The following GOLGA6L2 variants were observed in gnomAD, a reference collection of about 807,000 sequenced individuals.
GOLGA6L2 encodes golgin subfamily A member 6-like protein 2.
In GOLGA6L2, 30 loss-of-function variants were observed where a neutral mutation model predicts 35.9. The observed-to-expected ratio is 0.83, with a 90% CI of 0.62 to 1.13. The LOEUF is 1.13. Among genes scored for constraint, GOLGA6L2 ranks in the 50% most tolerant of loss-of-function variants. The probability of loss-of-function intolerance (pLI) is 0.00; values close to 1 mark genes in which losing one functional copy is unlikely to be tolerated. For synonymous variants in GOLGA6L2, 297 were observed against 344.0 expected (o/e 0.86, Z 1.51); for missense variants, 821 against 973.4 (o/e 0.84, Z 2.08).
chr15:23,441,231 T>G lies in GOLGA6L2; in HGVS notation c.1244A>C (p.Glu415Ala), dbSNP rs1348076053. 21 of 1,539,942 alleles carry G rather than the reference T, an allele frequency of 1.4e-5. No homozygotes were observed. The highest frequency in any genetic ancestry group is 7.3e-5 in the East Asian group (3 of 40,872). The change falls in exon 8 of 8, where the codon GAG becomes GCG. Residue 415 changes from glutamate to alanine, a missense_variant. This residue lies in a region of GOLGA6L2 where 614 missense variants were observed against 632.3 expected (regional missense o/e 0.97). Coordinates refer to ENST00000567107, the MANE Select transcript of GOLGA6L2 (RefSeq NM_001304388.2). ...RLREKEERMR[E>A]QEKMWEQVEK... The stretch of plus-strand genomic sequence containing the variant: ...CACCTGCTCCCACATCTTCTCCTGC[T>G]CCCGCATCCTCTCCTCCTTCTCCCG...
chr15:23,441,166 TCTCCTG>T lies in GOLGA6L2; in HGVS notation c.1303_1308del (p.Gln435_Glu436del), dbSNP rs767065980. ...TTCTCCTCCTGGTCCCGCGTCTTCT[TCTCCTG>T]CTCCTGCATCTTCTTCTCCTCCCGC... On this transcript the variant is annotated inframe_deletion, in exon 8 of 8. Transcript: ENST00000567107. The T allele has an allele frequency of 1.6e-5, 24 of 1,512,502 alleles. No homozygotes were observed. In the East Asian group the frequency reaches 5.0e-4, roughly 32 times the overall value. 93.7% of individuals were successfully genotyped at this position (1,512,502 alleles called of 1,614,324 possible). A position where few individuals can be genotyped will look rare whatever the true frequency, so the allele number is the denominator to read the frequency against.
At chr15:23,444,300 A>C (rs1886723093) in intron 3 of GOLGA6L2, 88 bp from the exon 4 acceptor site, 1 of 1,511,756 alleles carries the variant, frequency 6.6e-7, no homozygotes. Flanking sequence ...CCAATGCCCC[A>C]GGACAGGCGC....
chr15:23,443,020 C>A (rs1313435287), intron 5 of GOLGA6L2, among the ~76,000 whole-genome samples: 1 of 152,126 alleles, frequency 6.6e-6, no homozygotes, highest in Non-Finnish European at 1.5e-5. Context: ...TGCTAACAAT[C>A]CCATTTAATC....
In GOLGA6L2 at chr15:23,443,931, G is replaced by T. The variant is rs1354762513; in HGVS notation, c.437C>A (p.Ala146Asp). 3 of 1,555,168 alleles carry T rather than the reference G, an allele frequency of 1.9e-6. No homozygotes were observed. The highest frequency in any genetic ancestry group is 2.4e-5 in the East Asian group (1 of 42,486). Residue 146 changes from alanine (A) to aspartate (D), a missense_variant, in exon 5 of 8, where the codon GCC becomes GAC. Transcript: ENST00000567107. Reference protein sequence around the residue: ...PSSFNLALSQAFRGSPLGCVS... With the variant: ...PSSFNLALSQDFRGSPLGCVS... The stretch of plus-strand genomic sequence containing the variant: ...ACAGCCCAAAGGACTCCCCCTAAAG[G>T]CCTGTGAAAGTGCCAGGTTGAAGGA...
chr15:23,444,302 G>C, intron 3 of GOLGA6L2, 90 bp from the exon 4 acceptor site: 1 of 1,507,512 alleles, frequency 6.6e-7, no homozygotes, highest in Non-Finnish European at 9.1e-7. Context: ...AATGCCCCAG[G>C]ACAGGCGCAC....
chr15:23,441,176 CTG>C lies in GOLGA6L2; in HGVS notation c.1297_1298del (p.Gln433GlyfsTer213), dbSNP rs2070679175. 6.5e-7 allele frequency: 1 copy of C among 1,533,976 alleles called. No homozygotes were observed. Among genetic ancestry groups the C allele is most frequent in the African/African-American group, 1.5e-5 (1 of 68,468 alleles). On this transcript the variant is annotated frameshift_variant, in exon 8 of 8. Transcript: ENST00000567107. LOFTEE classifies it low-confidence loss of function (END_TRUNC). ...VEKMREEKKM[Q>X]EQEKKTRDQE... is the part of the protein sequence containing the mutation. ...GGTCCCGCGTCTTCTTCTCCTGCTC[CTG>C]CATCTTCTTCTCCTCCCGCATCTTC...
chr15:23,443,670 T>C lies in GOLGA6L2; in HGVS notation c.591+107A>G, dbSNP rs1596041337. 5.4e-6 allele frequency: 5 copies of C among 925,320 alleles called. No homozygotes were observed. In the East Asian group the frequency reaches 1.3e-4, roughly 24 times the overall value. The allele number at this position is 925,320 out of a possible 1,614,324, so 57.3% of individuals were successfully genotyped here. The stretch of plus-strand genomic sequence containing the variant: ...CACAAAAGCAGCAAGAAATGACCCA[T>C]ACTATCTTCTGGGCAGGACACTGCA... On this transcript the variant is annotated intron_variant, in intron 5 of 7. Coordinates refer to ENST00000567107, the MANE Select transcript of GOLGA6L2 (RefSeq NM_001304388.2).
chr15:23,444,181 G>A lies in GOLGA6L2; in HGVS notation c.275C>T (p.Ala92Val), dbSNP rs754285396. The A allele has an allele frequency of 5.6e-6, 9 of 1,604,746 alleles. No homozygotes were observed. The South Asian group carries it at 9.9e-5, about 18-fold the overall frequency. The change falls in exon 4 of 8, where the codon GCC (alanine) becomes GTC (valine). Residue 92 changes from alanine (A) to valine (V), a missense_variant. Ala to Val is a moderately conservative substitution (Grantham distance 64, BLOSUM62 0). This residue lies in a region of GOLGA6L2 where 614 missense variants were observed against 632.3 expected (regional missense o/e 0.97). Transcript: ENST00000567107. ...EKKASHQHQEALRREIEAQDH... is the reference protein window; with the variant it reads ...EKKASHQHQEVLRREIEAQDH... ...ACTCACCTCTATCTCCCGCCTTAGG[G>A]CTTCCTGATGTTGGTGGCTTGCCTT... is the stretch of plus-strand genomic sequence containing the variant.
intron 7 of GOLGA6L2, 70 bp from the exon 8 acceptor site, chr15:23,441,752 ATTCTTT>A: frequency 7.0e-7 from 1 of 1,423,840 alleles, no homozygotes; most frequent in South Asian, 1.6e-5. Flanking sequence ...TTCATCTATG[ATTCTTT>A]AAAAAAAATT....
In GOLGA6L2 at chr15:23,440,898, A is replaced by ATCT. The variant is rs765966759; in HGVS notation, c.1574_1576dup (p.Glu525_Met526insLys). On this transcript the variant is annotated inframe_insertion, in exon 8 of 8. Transcript: ENST00000567107. ...CCACATCTTCTTCTCCTGCCCCCAC[A>ATCT]TCTCCTCCTGGTCCCGTATCTTCTC... 1.6e-4 allele frequency: 217 copies of ATCT among 1,349,248 alleles called. No homozygotes were observed. Among genetic ancestry groups the ATCT allele is most frequent in the Admixed American group, 1.0e-3 (37 of 35,274 alleles). The allele number at this position is 1,349,248 out of a possible 1,614,324, so 83.6% of individuals were successfully genotyped here.
intron 3 of GOLGA6L2, 43 bp from the exon 4 acceptor site, chr15:23,444,255 A>C: frequency 6.3e-7 from 1 of 1,589,098 alleles, no homozygotes; most frequent in Non-Finnish European, 8.6e-7. Context: ...GGGGAGGCAG[A>C]GATCCACAGC....
chr15:23,441,237 A>T lies in GOLGA6L2; in HGVS notation c.1238T>A (p.Met413Lys), dbSNP rs1318174146. 6.6e-7 allele frequency: 1 copy of T among 1,519,694 alleles called. No individual in the cohort carries two copies. The highest frequency in any genetic ancestry group is 8.8e-7 in the Non-Finnish European group (1 of 1,140,444). 94.1% of individuals were successfully genotyped at this position (1,519,694 alleles called of 1,614,324 possible). The change falls in exon 8 of 8, where the codon ATG becomes AAG. Residue 413 changes from methionine (M) to lysine (K), a missense_variant. Physicochemically the swap from Met to Lys is moderately conservative, Grantham distance 95. Around this residue, in one of 7 missense-constraint regions of GOLGA6L2, gnomAD observed 614 missense variants for 632.3 expected, o/e 0.97. Transcript: ENST00000567107. The part of the protein sequence containing the change: ...DERLREKEER[M>K]REQEKMWEQV... ...CTCCCACATCTTCTCCTGCTCCCGC[A>T]TCCTCTCCTCCTTCTCCCGTAGCCT... is the stretch of plus-strand genomic sequence containing the variant.
At position 23,440,869 on chromosome 15, in the gene GOLGA6L2, G is replaced by GTT; in HGVS notation, c.1605_1606insAA (p.Gln536AsnfsTer443). Reference sequence around the variant, plus strand: ...TCTTCCTGCTCCCGCATCTTCTCCTGCCGCCACATCTTCTTCTCCTGCCCC... The same window carrying GTT: ...TCTTCCTGCTCCCGCATCTTCTCCTGTTCCGCCACATCTTCTTCTCCTGCCCC... On this transcript the variant is annotated frameshift_variant, in exon 8 of 8. Transcript: ENST00000567107. LOFTEE classifies it low-confidence loss of function (END_TRUNC). The GTT allele has an allele frequency of 8.2e-7, 1 of 1,222,422 alleles. No homozygotes were observed. Among genetic ancestry groups the GTT allele is most frequent in the Middle Eastern group, 2.0e-4 (1 of 5,020 alleles). The allele number at this position is 1,222,422 out of a possible 1,614,324, so 75.7% of individuals were successfully genotyped here.
At chr15:23,444,883 C>A (rs1418064133) in intron 2 of GOLGA6L2, among the ~76,000 whole-genome samples, 3 of 150,882 alleles carry the variant, frequency 2.0e-5, no homozygotes, top group Non-Finnish European at 4.4e-5. Flanking sequence ...ACGGAAAAGG[C>A]AGACAGGAGC....
At chr15:23,447,058 C>T (rs1177763305) in intron 1 of GOLGA6L2, 40 bp downstream of exon 1, 8 of 829,788 alleles carry the variant, frequency 9.6e-6, no homozygotes, top group Non-Finnish European at 1.4e-5. Flanking sequence ...GGGCCTGGGG[C>T]TGGGTTGGGG....
chr15:23,444,514 CA>C lies in GOLGA6L2; in HGVS notation c.214-15del. ...GTTCTGTTGTGTCTGTGGGGAGAGT[CA>C]AAGGAAGGTGACTGAGGGTGGCCCC... On this transcript the variant is annotated splice_polypyrimidine_tract_variant and intron_variant, in intron 2 of 7. Transcript: ENST00000567107. 6.3e-7 allele frequency: 1 copy of C among 1,599,246 alleles called. No homozygotes were observed. Among genetic ancestry groups the C allele is most frequent in the Non-Finnish European group, 8.5e-7 (1 of 1,179,608 alleles).
chr15:23,441,202 TCTC>T lies in GOLGA6L2; in HGVS notation c.1270_1272del (p.Glu424del). 4.6e-6 allele frequency: 7 copies of T among 1,535,106 alleles called. No homozygotes were observed. The highest frequency in any genetic ancestry group is 1.7e-4 in the Middle Eastern group (1 of 5,904). On this transcript the variant is annotated inframe_deletion, in exon 8 of 8. Coordinates refer to ENST00000567107, the MANE Select transcript of GOLGA6L2 (RefSeq NM_001304388.2). ...TGCATCTTCTTCTCCTCCCGCATCT[TCTC>T]CACCTGCTCCCACATCTTCTCCTGC...
rs190025566 is a variant in GOLGA6L2 at position 23,439,870 on chromosome 15, C to A, written c.2605G>T (p.Ala869Ser). ...CCTCCTTCTCTCGCATCTCCTCCTG[C>A]CCCCACATCTTCTCCTCCTGCCCCC... ...DVGAGGEDVG[A>S]GGDAREGGED... Residue 869 changes from alanine (A) to serine (S), a missense_variant, in exon 8 of 8, where the codon GCA becomes TCA. This residue lies in a region of GOLGA6L2 where 12 missense variants were observed against 22.4 expected (regional missense o/e 0.53). Transcript: ENST00000567107. 6.7e-7 allele frequency: 1 copy of A among 1,490,086 alleles called. No homozygotes were observed. Among genetic ancestry groups the A allele is most frequent in the Non-Finnish European group, 8.9e-7 (1 of 1,120,660 alleles). The allele number at this position is 1,490,086 out of a possible 1,614,324, so 92.3% of individuals were successfully genotyped here.
At position 23,441,234 on chromosome 15, in the gene GOLGA6L2, C is replaced by T. The variant is rs777814843; in HGVS notation, c.1241G>A (p.Arg414Gln). Reference sequence around the variant, plus strand: ...CTGCTCCCACATCTTCTCCTGCTCCCGCATCCTCTCCTCCTTCTCCCGTAG... The same window carrying T: ...CTGCTCCCACATCTTCTCCTGCTCCTGCATCCTCTCCTCCTTCTCCCGTAG... ...ERLREKEERM[R>Q]EQEKMWEQVE... Residue 414 changes from arginine (R) to glutamine (Q), a missense_variant, in exon 8 of 8, where the codon CGG becomes CAG. Around this residue, in one of 7 missense-constraint regions of GOLGA6L2, gnomAD observed 614 missense variants for 632.3 expected, o/e 0.97. Coordinates refer to ENST00000567107, the MANE Select transcript of GOLGA6L2 (RefSeq NM_001304388.2). The T allele has an allele frequency of 1.3e-4, 199 of 1,534,950 alleles. No homozygotes were observed. The highest frequency in any genetic ancestry group is 1.5e-4 in the Non-Finnish European group (177 of 1,145,412).
Sources: gnomAD v4.1 joint callset for allele counts (sites outside exome capture counted in the v4.1 genomes callset) on GRCh38, gnomAD v4.1.1 for gene constraint, gnomAD v4.1.1 regional missense constraint, MANE v1.5 for transcripts, NCBI Gene and HGNC (gene_info 2026-07-23, HGNC 2026-07-21) for gene names.